The following GAS1 variants were observed in gnomAD, a reference collection of about 807,000 sequenced individuals.
GAS1 encodes the protein growth arrest specific 1.
In GAS1, 10 loss-of-function variants were observed where a neutral mutation model predicts 21.6. The observed-to-expected ratio is 0.46, with a 90% CI of 0.29 to 0.79. The LOEUF is 0.79. Among genes scored for constraint, GAS1 ranks in the 30% least tolerant of loss-of-function variants. The pLI, the probability that GAS1 is intolerant of heterozygous loss-of-function variation, is 0.10. For missense variants in GAS1, 567 were observed against 544.3 expected, an observed-to-expected ratio of 1.04 and a Z score of -0.42; for synonymous variants, 332 against 264.0, an observed-to-expected ratio of 1.26 and a Z score of -2.50.
Position 86,945,624 on chromosome 9 carries a change from A to G in GAS1, c.*118T>C. 1.0e-6 allele frequency: 1 copy of G among 1,001,568 alleles called. No individual in the cohort carries two copies. The allele number at this position is 1,001,568 out of a possible 1,614,324, so 62.0% of individuals were successfully genotyped here. The stretch of plus-strand genomic sequence containing the variant: ...AAGTTGACTTGGAAAAAGTTTTGGG[A>G]AGTATCCCCAACCATCCCTTCTATC... On this transcript the variant is annotated 3_prime_UTR_variant, in exon 1 of 1. Transcript: ENST00000298743.
rs1265547559 is a variant in GAS1, at chr9:86,946,137, T to C, written c.643A>G (p.Lys215Glu). Reference protein sequence around the residue: ...TVIEDMLAMPKAALLNDCVCD... With the variant: ...TVIEDMLAMPEAALLNDCVCD... ...ACGCAGTCGTTGAGCAGCGCCGCCT[T>C]GGGCATAGCCAGCATGTCCTCAATG... is the stretch of plus-strand genomic sequence containing the variant. Residue 215 changes from lysine (K) to glutamate (E), a missense_variant, in exon 1 of 1, where the codon AAG (lysine) becomes GAG (glutamate). Transcript: ENST00000298743. This position sits in a 1 kb window ranked among gnomAD's most constrained non-coding sequence, Gnocchi z 5.2. 6.2e-7 allele frequency: 1 copy of C among 1,609,058 alleles called. No individual in the cohort carries two copies. The highest frequency in any genetic ancestry group is 8.5e-7 in the Non-Finnish European group (1 of 1,179,658).
In GAS1 at chr9:86,945,371, C is replaced by T. The variant is rs936538964; in HGVS notation, c.*371G>A. 2 of 186,130 alleles carry T rather than the reference C, an allele frequency of 1.1e-5. No individual in the cohort carries two copies. The highest frequency in any genetic ancestry group is 1.2e-4 in the Admixed American group (2 of 16,226). The allele number at this position is 186,130 out of a possible 1,614,324, so 11.5% of individuals were successfully genotyped here. ...TCCCAACCCTTCAAATTGCTAAGGC[C>T]CCACTGGTCAGCACCTTCCCTTTCG... On this transcript the variant is annotated 3_prime_UTR_variant, in exon 1 of 1. Transcript: ENST00000298743.
In GAS1 at chr9:86,946,885, T is replaced by G. The variant is rs1489554184; in HGVS notation, c.-106A>C. On this transcript the variant is annotated 5_prime_UTR_variant, in exon 1 of 1. Transcript: ENST00000298743. The surrounding 1 kb of genome is among the most constrained non-coding windows in gnomAD (Gnocchi z 5.2). ...GTTTGTCCAAGTCCTGCCCACTTCTTGCATGAGTGTCTTCATAAATCCATG... is the reference window on the plus strand; with the variant it reads ...GTTTGTCCAAGTCCTGCCCACTTCTGGCATGAGTGTCTTCATAAATCCATG... The G allele has an allele frequency of 2.8e-6, 1 of 362,970 alleles. No homozygotes were observed. Among genetic ancestry groups the G allele is most frequent in the East Asian group, 4.7e-5 (1 of 21,096 alleles). 22.5% of individuals were successfully genotyped at this position (362,970 alleles called of 1,614,324 possible). A position where few individuals can be genotyped will look rare whatever the true frequency, so the allele number is the denominator to read the frequency against.
chr9:86,946,281 T>C lies in GAS1; in HGVS notation c.499A>G (p.Thr167Ala). 6.5e-7 allele frequency: 1 copy of C among 1,531,866 alleles called. No homozygotes were observed. 94.9% of individuals were successfully genotyped at this position (1,531,866 alleles called of 1,614,324 possible). Residue 167 changes from threonine to alanine, a missense_variant, in exon 1 of 1, where the codon ACC becomes GCC. Physicochemically the swap from Thr to Ala is moderately conservative, Grantham distance 58. Transcript: ENST00000298743. The surrounding 1 kb of genome is among the most constrained non-coding windows in gnomAD (Gnocchi z 5.2). ...CGGTCGCAGCGCCGCCGGGCCTCGG[T>C]GCAGCCCATGACCCCGCCCGCGCCG... ...GPGAGGVMGC[T>A]EARRRCDRDS...
Position 86,947,100 on chromosome 9 carries a change from C to G in GAS1, c.-321G>C, listed in dbSNP as rs1825513197. The G allele has an allele frequency of 4.9e-6, 1 of 205,366 alleles. No individual in the cohort carries two copies. The highest frequency in any genetic ancestry group is 1.0e-5 in the Non-Finnish European group (1 of 97,424). The allele number at this position is 205,366 out of a possible 1,614,324, so 12.7% of individuals were successfully genotyped here. A position where few individuals can be genotyped will look rare whatever the true frequency, so the allele number is the denominator to read the frequency against. ...GGGGGTGCGGGCCGCGGGGCCGTGGCGGGGCTGCAGGACCGCGCGGCGCGG... is the reference window on the plus strand; with the variant it reads ...GGGGGTGCGGGCCGCGGGGCCGTGGGGGGGCTGCAGGACCGCGCGGCGCGG... On this transcript the variant is annotated 5_prime_UTR_variant, in exon 1 of 1. Transcript: ENST00000298743.
In GAS1 at chr9:86,947,363, T is replaced by C. The variant is rs1017472807; in HGVS notation, c.-584A>G. ...CCCTCCGCCCGCGGCAACCCCGGCC[T>C]CCGCAGAGCTCCGGGGAGCTCTTTC... On this transcript the variant is annotated 5_prime_UTR_variant, in exon 1 of 1. Coordinates refer to ENST00000298743, the MANE Select transcript of GAS1 (RefSeq NM_002048.3). 4.4e-4 allele frequency among the ~76,000 whole-genome samples: 67 copies of C among 151,280 alleles called. No homozygotes were observed. The highest frequency in any genetic ancestry group is 1.6e-3 in the African/African-American group (65 of 41,272).
In GAS1 at chr9:86,946,758, C is replaced by G; in HGVS notation, c.22G>C (p.Gly8Arg). The G allele has an allele frequency of 8.8e-7, 1 of 1,134,272 alleles. No individual in the cohort carries two copies. The highest frequency in any genetic ancestry group is 1.2e-6 in the Non-Finnish European group (1 of 866,028). The allele number at this position is 1,134,272 out of a possible 1,614,324, so 70.3% of individuals were successfully genotyped here. A position where few individuals can be genotyped will look rare whatever the true frequency, so the allele number is the denominator to read the frequency against. ...GTCCCCCCGCGGGCCTCGCCGCCGC[C>G]GCCCAGCAGCGCGGCCACCATCGCG... is the stretch of plus-strand genomic sequence containing the variant. MVAALLG[G>R]GGEARGGTVP... is the part of the protein sequence containing the mutation. Residue 8 changes from glycine (G) to arginine (R), a missense_variant, in exon 1 of 1, where the codon GGC (glycine) becomes CGC (arginine). Coordinates refer to ENST00000298743, the MANE Select transcript of GAS1 (RefSeq NM_002048.3). The surrounding 1 kb of genome is among the most constrained non-coding windows in gnomAD (Gnocchi z 5.2).
In GAS1 at chr9:86,946,633, C is replaced by T; in HGVS notation, c.147G>A (p.Trp49Ter). 1 of 1,449,570 alleles carries T rather than the reference C, an allele frequency of 6.9e-7. No individual in the cohort carries two copies. The highest frequency in any genetic ancestry group is 1.3e-5 in the South Asian group (1 of 76,128). 89.8% of individuals were successfully genotyped at this position (1,449,570 alleles called of 1,614,324 possible). ...GLAHGRRLIC[W>*]QALLQCQGEP... The stretch of plus-strand genomic sequence containing the variant: ...CCCCCTGGCACTGCAGCAGCGCCTG[C>T]CAGCAGATGAGGCGGCGGCCGTGCG... The change falls in exon 1 of 1, where the codon TGG (tryptophan) becomes TGA (stop). Residue 49 changes from tryptophan to a stop codon, truncating the protein, a stop_gained. Transcript: ENST00000298743. LOFTEE classifies it high-confidence loss of function. The surrounding 1 kb of genome is among the most constrained non-coding windows in gnomAD (Gnocchi z 5.2).
In GAS1 at chr9:86,946,586, T is replaced by C; in HGVS notation, c.194A>G (p.Tyr65Cys). The C allele has an allele frequency of 6.9e-7, 1 of 1,441,320 alleles. No homozygotes were observed. The highest frequency in any genetic ancestry group is 9.1e-7 in the Non-Finnish European group (1 of 1,099,774). The allele number at this position is 1,441,320 out of a possible 1,614,324, so 89.3% of individuals were successfully genotyped here. The change falls in exon 1 of 1, where the codon TAC becomes TGC. Residue 65 changes from tyrosine (Y) to cysteine (C), a missense_variant. Tyr to Cys is a radical substitution (Grantham distance 194). Coordinates refer to ENST00000298743, the MANE Select transcript of GAS1 (RefSeq NM_002048.3). The surrounding 1 kb of genome is among the most constrained non-coding windows in gnomAD (Gnocchi z 5.2). ...CGCGCACGCCTCGGCGTACTGGTTG[T>C]AGGCGTAGCTGCACTCCGGCTCCCC... ...CQGEPECSYAYNQYAEACAPV... is the reference protein window; with the variant it reads ...CQGEPECSYACNQYAEACAPV...
rs888739789 is a variant in GAS1, at chr9:86,945,679, G to C, written c.*63C>G. ...CCAAGCCACAGGTGCCCGGCGCGGG[G>C]TCGAGGCGAGCACGGGAGTGGGACG... On this transcript the variant is annotated 3_prime_UTR_variant, in exon 1 of 1. Coordinates refer to ENST00000298743, the MANE Select transcript of GAS1 (RefSeq NM_002048.3). The C allele has an allele frequency of 6.3e-6, 9 of 1,434,296 alleles. No homozygotes were observed. Among genetic ancestry groups the C allele is most frequent in the Middle Eastern group, 2.4e-4 (1 of 4,086 alleles). The allele number at this position is 1,434,296 out of a possible 1,614,324, so 88.8% of individuals were successfully genotyped here. A position where few individuals can be genotyped will look rare whatever the true frequency, so the allele number is the denominator to read the frequency against.
rs1345279947 is a variant in GAS1 at position 86,945,295 on chromosome 9, C to G, written c.*447G>C. ...CGATACTGGCACTTTTTTTTGCCCC[C>G]TCAAAGGAAATATGCTAATAGACAG... On this transcript the variant is annotated 3_prime_UTR_variant, in exon 1 of 1. Coordinates refer to ENST00000298743, the MANE Select transcript of GAS1 (RefSeq NM_002048.3). 1 of 153,728 alleles carries G rather than the reference C, an allele frequency of 6.5e-6. No homozygotes were observed. The highest frequency in any genetic ancestry group is 1.9e-4 in the East Asian group (1 of 5,240). The allele number at this position is 153,728 out of a possible 1,614,324, so 9.5% of individuals were successfully genotyped here. A position where few individuals can be genotyped will look rare whatever the true frequency, so the allele number is the denominator to read the frequency against.
Position 86,945,429 on chromosome 9 carries a change from T to G in GAS1, c.*313A>C, listed in dbSNP as rs1201887499. ...GACTACTGTTCTGTCCCCCACATGCTTGCTTCCTCCCGGACGTCCTGAACA... is the reference window on the plus strand; with the variant it reads ...GACTACTGTTCTGTCCCCCACATGCGTGCTTCCTCCCGGACGTCCTGAACA... On this transcript the variant is annotated 3_prime_UTR_variant, in exon 1 of 1. Transcript: ENST00000298743. The G allele has an allele frequency of 3.8e-6, 1 of 266,184 alleles. No individual in the cohort carries two copies. The highest frequency in any genetic ancestry group is 7.0e-6 in the Non-Finnish European group (1 of 143,200). The allele number at this position is 266,184 out of a possible 1,614,324, so 16.5% of individuals were successfully genotyped here.
In GAS1 at chr9:86,946,307, G is replaced by C. The variant is rs1365866741; in HGVS notation, c.473C>G (p.Pro158Arg). 1.4e-6 allele frequency: 2 copies of C among 1,407,816 alleles called. No individual in the cohort carries two copies. Among genetic ancestry groups the C allele is most frequent in the Non-Finnish European group, 1.8e-6 (2 of 1,085,156 alleles). The allele number at this position is 1,407,816 out of a possible 1,614,324, so 87.2% of individuals were successfully genotyped here. A position where few individuals can be genotyped will look rare whatever the true frequency, so the allele number is the denominator to read the frequency against. ...GCAGCCCATGACCCCGCCCGCGCCG[G>C]GGCCGCCCGCGCCGCCGCCGCTCGT... The part of the protein sequence containing the change: ...PRTSGGGAGG[P>R]GAGGVMGCTE... The change falls in exon 1 of 1, where the codon CCC becomes CGC. Residue 158 changes from proline (P) to arginine (R), a missense_variant. Pro to Arg is a moderately radical substitution (Grantham distance 103, BLOSUM62 -2). Coordinates refer to ENST00000298743, the MANE Select transcript of GAS1 (RefSeq NM_002048.3). The surrounding 1 kb of genome is among the most constrained non-coding windows in gnomAD (Gnocchi z 5.2).
At position 86,944,883 on chromosome 9, in the gene GAS1, A is replaced by G. The variant is rs945588803; in HGVS notation, c.*859T>C. On this transcript the variant is annotated 3_prime_UTR_variant, in exon 1 of 1. Transcript: ENST00000298743. ...CAATATACATTCTCCGCATATTTAA[A>G]CATAAAATTTCTTGATGTAAAGAAC... 2 of 152,184 alleles carry G rather than the reference A, an allele frequency of 1.3e-5. No individual in the cohort carries two copies. Among genetic ancestry groups the G allele is most frequent in the Non-Finnish European group, 2.9e-5 (2 of 68,028 alleles). The allele number at this position is 152,184 out of a possible 1,614,324, so 9.4% of individuals were successfully genotyped here.
rs1399833599 is a variant in GAS1 at position 86,945,322 on chromosome 9, C to T, written c.*420G>A. ...CAAAGGAAATATGCTAATAGACAGC[C>T]CCTTTGCAAATATAATTCCTCCTTC... On this transcript the variant is annotated 3_prime_UTR_variant, in exon 1 of 1. Transcript: ENST00000298743. 1 of 158,714 alleles carries T rather than the reference C, an allele frequency of 6.3e-6. No homozygotes were observed. Among genetic ancestry groups the T allele is most frequent in the Non-Finnish European group, 1.4e-5 (1 of 72,742 alleles). The allele number at this position is 158,714 out of a possible 1,614,324, so 9.8% of individuals were successfully genotyped here.
Position 86,946,556 on chromosome 9 carries a change from A to G in GAS1, c.224T>C (p.Val75Ala). The G allele has an allele frequency of 7.2e-7, 1 of 1,393,934 alleles. No individual in the cohort carries two copies. The highest frequency in any genetic ancestry group is 1.5e-5 in the African/African-American group (1 of 66,234). The allele number at this position is 1,393,934 out of a possible 1,614,324, so 86.3% of individuals were successfully genotyped here. Residue 75 changes from valine (V) to alanine (A), a missense_variant, in exon 1 of 1, where the codon GTG becomes GCG. Val to Ala is a moderately conservative substitution (Grantham distance 64). Coordinates refer to ENST00000298743, the MANE Select transcript of GAS1 (RefSeq NM_002048.3). This position sits in a 1 kb window ranked among gnomAD's most constrained non-coding sequence, Gnocchi z 5.2. ...GTCGCCCCCGCCGTGCTGCGCCAGC[A>G]CCGGCGCGCACGCCTCGGCGTACTG... ...YNQYAEACAPVLAQHGGGDAP... is the reference protein window; with the variant it reads ...YNQYAEACAPALAQHGGGDAP...
Position 86,945,967 on chromosome 9 carries a change from G to A in GAS1, c.813C>T (p.Asp271=). 1 of 1,604,292 alleles carries A rather than the reference G, an allele frequency of 6.2e-7. No homozygotes were observed. The highest frequency in any genetic ancestry group is 2.2e-5 in the East Asian group (1 of 44,534). The part of the protein sequence containing the change: ...LDDYYDEDYD[D]EQRTGGAGGE... ...CACCCGCGCCCCCGGTGCGCTGCTC[G>A]TCATCGTAGTCCTCATCGTAGTAGT... Residue 271 remains aspartate (D), a synonymous_variant, in exon 1 of 1, where the codon GAC becomes GAT. Coordinates refer to ENST00000298743, the MANE Select transcript of GAS1 (RefSeq NM_002048.3).
At position 86,945,888 on chromosome 9, in the gene GAS1, T is replaced by C. The variant is rs1311193365; in HGVS notation, c.892A>G (p.Ser298Gly). Residue 298 changes from serine to glycine, a missense_variant, in exon 1 of 1, where the codon AGC becomes GGC. Coordinates refer to ENST00000298743, the MANE Select transcript of GAS1 (RefSeq NM_002048.3). ...DGVPHPPRPG[S>G]GAAASGGRGD... ...CGGCCGCCCGATGCAGCAGCGCCGC[T>C]GCCCGGGCGCGGTGGGTGCGGGACG... 1 of 1,509,344 alleles carries C rather than the reference T, an allele frequency of 6.6e-7. No individual in the cohort carries two copies. The highest frequency in any genetic ancestry group is 8.8e-7 in the Non-Finnish European group (1 of 1,133,602). 93.5% of individuals were successfully genotyped at this position (1,509,344 alleles called of 1,614,324 possible). A position where few individuals can be genotyped will look rare whatever the true frequency, so the allele number is the denominator to read the frequency against.
rs868352783 is a variant in GAS1, at chr9:86,945,180, G to A, written c.*562C>T. On this transcript the variant is annotated 3_prime_UTR_variant, in exon 1 of 1. Transcript: ENST00000298743. ...CACGTCACTGAGAATTCTGGGCGCA[G>A]ATACAAACAGTGAAAGAATGAATCG... is the stretch of plus-strand genomic sequence containing the variant. 6.6e-6 allele frequency: 1 copy of A among 152,196 alleles called. No homozygotes were observed. Among genetic ancestry groups the A allele is most frequent in the Admixed American group, 6.5e-5 (1 of 15,280 alleles). The allele number at this position is 152,196 out of a possible 1,614,324, so 9.4% of individuals were successfully genotyped here. A position where few individuals can be genotyped will look rare whatever the true frequency, so the allele number is the denominator to read the frequency against.
Sources: gnomAD v4.1 joint callset for allele counts (sites outside exome capture counted in the v4.1 genomes callset) on GRCh38, gnomAD v4.1.1 for gene constraint, Gnocchi (gnomAD v3.1) non-coding constraint, MANE v1.5 for transcripts, NCBI Gene and HGNC (gene_info 2026-07-23, HGNC 2026-07-21) for gene names.